Variants in PVT1 observed in about 807,000 individuals in gnomAD.
PVT1 encodes the protein CXCR4/PVT1 fusion.
intron 4 of PVT1, among the ~76,000 whole-genome samples, chr8:128,068,227 G>T (rs943211928): frequency 1.3e-5 from 2 of 151,816 alleles, no homozygotes; most frequent in African/African-American, 2.4e-5. Flanking sequence ...TTCCCAGGAG[G>T]CTTTAGGCTC....
At chr8:127,873,800 A>G (rs527520500) in intron 2 of PVT1, among the ~76,000 whole-genome samples, 3 of 152,318 alleles carry the variant, frequency 2.0e-5, no homozygotes, top group Admixed American at 6.5e-5. Context: ...CTATGAATCA[A>G]TGATTCTGTG....
chr8:127,950,093 G>C (rs770539376), intron 3 of PVT1, among the ~76,000 whole-genome samples: 1 of 152,250 alleles, frequency 6.6e-6, no homozygotes, highest in Non-Finnish European at 1.5e-5. Context: ...CAGAGACTGT[G>C]CTAGGCACTT....
chr8:127,984,865 CTTTCTTT>C, intron 3 of PVT1, among the ~76,000 whole-genome samples: 1 of 66,782 alleles, frequency 1.5e-5, no homozygotes, highest in Non-Finnish European at 3.1e-5. Flanking sequence ...TTCTTTCTTT[CTTTCTTT>C]CTTTCTTTCT....
intron 3 of PVT1, among the ~76,000 whole-genome samples, chr8:127,965,239 A>C (rs1174223864): frequency 2.0e-5 from 3 of 152,236 alleles, no homozygotes; most frequent in Non-Finnish European, 2.9e-5. Context: ...ACATTGAGTA[A>C]AAGCTGCAAG....
chr8:127,903,626 C>A (rs1815785779), intron 3 of PVT1, among the ~76,000 whole-genome samples: 1 of 152,140 alleles, frequency 6.6e-6, no homozygotes, highest in Non-Finnish European at 1.5e-5. Context: ...GATTCTGTTT[C>A]ATTTTCTTCT....
intron 3 of PVT1, among the ~76,000 whole-genome samples, chr8:127,933,059 A>G (rs189672325): frequency 6.6e-6 from 1 of 152,274 alleles, no homozygotes; most frequent in Non-Finnish European, 1.5e-5. Flanking sequence ...TTAATTTATT[A>G]GCAAACTCAG....
intron 2 of PVT1, among the ~76,000 whole-genome samples, chr8:127,847,782 T>G (rs1586405087): frequency 6.6e-6 from 1 of 152,194 alleles, no homozygotes; most frequent in African/African-American, 2.4e-5. Flanking sequence ...TGTAAAAATG[T>G]GTCTTTGCAC....
intron 2 of PVT1, among the ~76,000 whole-genome samples, chr8:127,809,029 CAAAAAAAAAAAAA>C (rs1158760672): frequency 1.1e-4 from 3 of 28,286 alleles, no homozygotes; most frequent in African/African-American, 4.3e-4. Context: ...GATTCCATCT[CAAAAAAAAAAAAA>C]AAAAAAAAAA....
At chr8:127,801,760 A>G (rs933011986) in intron 2 of PVT1, among the ~76,000 whole-genome samples, 8 of 152,114 alleles carry the variant, frequency 5.3e-5, no homozygotes, top group African/African-American at 1.7e-4. Context: ...CCAGCATCTT[A>G]AACTGTGCTC....
intron 2 of PVT1, among the ~76,000 whole-genome samples, chr8:127,857,523 T>A (rs1204623950): frequency 6.6e-6 from 1 of 151,902 alleles, no homozygotes; most frequent in African/African-American, 2.4e-5. Context: ...AAATAAAAAA[T>A]TAGCTGGGCA....
chr8:127,933,496 T>C (rs1423622665), intron 3 of PVT1, among the ~76,000 whole-genome samples: 5 of 152,176 alleles, frequency 3.3e-5, no homozygotes, highest in Admixed American at 6.5e-5. Flanking sequence ...CCTGCGGGTA[T>C]AGGTGGGTAT....
In PVT1 at chr8:127,924,672, C is replaced by T. The variant is rs566186990; in HGVS notation, n.782+33674C>T. On this transcript the variant is annotated intron_variant and non_coding_transcript_variant, in intron 3 of 10. Transcript: ENST00000651587. ...GACTACAGGCGCCCACCACCACGCC[C>T]GACTAATTTTTTGTATTTTTAGTGG... is the stretch of plus-strand genomic sequence containing the variant. 4.3e-4 allele frequency among the ~76,000 whole-genome samples: 66 copies of T among 152,156 alleles called. No individual in the cohort carries two copies. The East Asian group carries it at 0.01, about 23-fold the overall frequency.
chr8:127,972,451 C>T (rs1291314190), intron 3 of PVT1, among the ~76,000 whole-genome samples: 1 of 152,148 alleles, frequency 6.6e-6, no homozygotes, highest in East Asian at 1.9e-4. Context: ...TAGATGTGCC[C>T]CAACCCAGTG....
At chr8:127,838,447 G>A (rs1185456983) in intron 2 of PVT1, among the ~76,000 whole-genome samples, 1 of 152,064 alleles carries the variant, frequency 6.6e-6, no homozygotes, top group Non-Finnish European at 1.5e-5. Flanking sequence ...GTTCATGCCT[G>A]TAATTCCAGC....
At chr8:127,916,222 G>A (rs12335153) in intron 3 of PVT1, among the ~76,000 whole-genome samples, 6,266 of 152,266 alleles carry the variant, frequency 0.041, 428 homozygotes, top group African/African-American at 0.14. Context: ...AACACACCAT[G>A]TAGGGGCAAG....
intron 2 of PVT1, chr8:127,803,514 C>T (rs1189358996): frequency 6.6e-6 from 1 of 152,132 alleles, no homozygotes; most frequent in African/African-American, 2.4e-5. Flanking sequence ...AAATATACAT[C>T]TAAAAAGATG....
Position 127,849,157 on chromosome 8 carries a change from AG to A in PVT1, n.373-41427del, listed in dbSNP as rs148473966. Among the ~76,000 whole-genome samples the A allele has an allele frequency of 4.3e-3, 661 of 152,266 alleles. 2 individuals carry two copies. Among genetic ancestry groups the A allele is most frequent in the African/African-American group, 0.015 (634 of 41,546 alleles). ...TAGTGAGTTTGCCAAAGACAAGGGA[AG>A]GGGGTTAGAGAGTAGGTGGCAGATA... On this transcript the variant is annotated intron_variant and non_coding_transcript_variant, in intron 2 of 10. Transcript: ENST00000651587.
chr8:127,974,057 G>A (rs1218955068), intron 3 of PVT1, among the ~76,000 whole-genome samples: 2 of 151,936 alleles, frequency 1.3e-5, no homozygotes, highest in African/African-American at 4.8e-5. Context: ...TTATATTTTC[G>A]AAGGGTGGGC....
intron 3 of PVT1, among the ~76,000 whole-genome samples, chr8:127,925,733 C>G (rs942445732): frequency 6.6e-6 from 1 of 152,094 alleles, no homozygotes; most frequent in Non-Finnish European, 1.5e-5. Flanking sequence ...CCTCTGCCTC[C>G]TGGGTTCAAG....
Sources: gnomAD v4.1 joint callset for allele counts (sites outside exome capture counted in the v4.1 genomes callset) on GRCh38, gnomAD v4.1.1 for gene constraint, MANE v1.5 for transcripts, NCBI Gene and HGNC (gene_info 2026-07-23, HGNC 2026-07-21) for gene names.